The following EYS variants were observed in gnomAD, a reference collection of about 807,000 sequenced individuals.
The protein encoded by EYS is EGF-like photoreceptor maintenance factor.
EYS carries 250 observed loss-of-function variants against 282.1 expected under a neutral mutation model. That is an observed-to-expected ratio of 0.89 (90% CI 0.80 to 0.98). The LOEUF (loss-of-function observed/expected upper bound fraction) is 0.98, where lower values mean the gene tolerates loss of function less well. Ranked by LOEUF, EYS falls within the 50% of genes least tolerant of loss-of-function variation. The pLI is 0.00. For synonymous variants in EYS, 1,355 were observed against 1,282.9 expected (o/e 1.06, Z -1.20); for missense variants, 4,016 against 3,709.0 (o/e 1.08, Z -2.15).
intron 14 of EYS, among the ~76,000 whole-genome samples, chr6:64,991,561 A>G (rs192481479): frequency 5.3e-4 from 81 of 151,762 alleles, no homozygotes; most frequent in African/African-American, 1.5e-3. Context: ...GAGAAGCTAT[A>G]ATTTCATGTA....
At chr6:64,710,906 C>T (rs1256369539) in intron 22 of EYS, among the ~76,000 whole-genome samples, 4 of 152,208 alleles carry the variant, frequency 2.6e-5, no homozygotes, top group Non-Finnish European at 5.9e-5. Context: ...GCCTGGTCTT[C>T]ACTTTATGAA....
At chr6:63,762,140 G>C (rs1769658600) in intron 41 of EYS, among the ~76,000 whole-genome samples, 1 of 151,996 alleles carries the variant, frequency 6.6e-6, no homozygotes, top group African/African-American at 2.4e-5. Flanking sequence ...CAGAGATGAA[G>C]TCTTGATCTG....
chr6:65,667,955 T>C (rs1768257056), intron 1 of EYS, among the ~76,000 whole-genome samples: 1 of 151,878 alleles, frequency 6.6e-6, no homozygotes, highest in Admixed American at 6.6e-5. Flanking sequence ...GGTTGATATG[T>C]ATTGTACAAC....
chr6:64,857,905 T>A (rs1766115351), intron 19 of EYS, among the ~76,000 whole-genome samples: 1 of 152,196 alleles, frequency 6.6e-6, no homozygotes, highest in Non-Finnish European at 1.5e-5. Context: ...GCATGTCTTC[T>A]TTTGAAAAAT....
chr6:65,266,403 T>C (rs1767753786), intron 12 of EYS, among the ~76,000 whole-genome samples: 1 of 151,892 alleles, frequency 6.6e-6, no homozygotes, highest in African/African-American at 2.4e-5. Flanking sequence ...CTCCATATAC[T>C]TTTTTCACCA....
At chr6:64,437,911 T>G (rs868621702) in intron 27 of EYS, among the ~76,000 whole-genome samples, 1 of 151,618 alleles carries the variant, frequency 6.6e-6, no homozygotes, top group African/African-American at 2.4e-5. Context: ...ATTCACAACA[T>G]GTACACTTAA....
At chr6:65,268,662 T>C (rs1220426425) in intron 12 of EYS, among the ~76,000 whole-genome samples, 1 of 152,084 alleles carries the variant, frequency 6.6e-6, no homozygotes, top group Non-Finnish European at 1.5e-5. Flanking sequence ...TTAGCAACTA[T>C]ATCGAAATTG....
intron 13 of EYS, among the ~76,000 whole-genome samples, chr6:65,004,933 C>T (rs1194854372): frequency 6.8e-6 from 1 of 148,056 alleles, no homozygotes; most frequent in Non-Finnish European, 1.5e-5. Context: ...CTTCATACTT[C>T]CCACTTCTTG....
intron 26 of EYS, among the ~76,000 whole-genome samples, chr6:64,540,960 G>A (rs2149798995): frequency 6.6e-6 from 1 of 152,290 alleles, no homozygotes; most frequent in East Asian, 1.9e-4. Context: ...TCCCAGAGCT[G>A]CACTGACCTT....
chr6:64,323,197 G>T (rs1459496490), intron 29 of EYS, among the ~76,000 whole-genome samples: 1 of 151,398 alleles, frequency 6.6e-6, no homozygotes, highest in Non-Finnish European at 1.5e-5. Flanking sequence ...TTAGTAGTTT[G>T]TCTCTATTAT....
intron 29 of EYS, among the ~76,000 whole-genome samples, chr6:64,346,560 G>A (rs1014943287): frequency 1.3e-5 from 2 of 151,700 alleles, no homozygotes; most frequent in East Asian, 2.0e-4. Flanking sequence ...TGTGGGGTGG[G>A]GGGAGTGGGG....
chr6:64,588,822 A>C (rs1213386269), intron 26 of EYS, among the ~76,000 whole-genome samples: 1 of 151,890 alleles, frequency 6.6e-6, no homozygotes, highest in African/African-American at 2.4e-5. Flanking sequence ...ATGATTTATT[A>C]TAATGACTAA....
intron 30 of EYS, among the ~76,000 whole-genome samples, chr6:64,304,366 ATAAT>A (rs1431260192): frequency 6.6e-6 from 1 of 152,226 alleles, no homozygotes; most frequent in Non-Finnish European, 1.5e-5. Context: ...GCCACTCTCA[ATAAT>A]TAATAGAGCA....
intron 12 of EYS, among the ~76,000 whole-genome samples, chr6:65,209,767 G>C (rs1766127380): frequency 6.6e-6 from 1 of 151,910 alleles, no homozygotes; most frequent in African/African-American, 2.4e-5. Context: ...ACTATGGTCA[G>C]GGATCACCAA....
chr6:64,488,267 A>G (rs9362900), intron 26 of EYS, among the ~76,000 whole-genome samples: 38,821 of 150,854 alleles, frequency 0.26, 5,497 homozygotes, highest in East Asian at 0.35. Flanking sequence ...AAGTCAAGCA[A>G]ATATAATAGC....
intron 30 of EYS, among the ~76,000 whole-genome samples, chr6:64,297,703 T>C (rs570935094): frequency 4.6e-5 from 7 of 151,922 alleles, no homozygotes; most frequent in African/African-American, 1.7e-4. Flanking sequence ...TAGAGCTGGG[T>C]GTGATGGCTC....
intron 30 of EYS, among the ~76,000 whole-genome samples, chr6:64,260,291 G>A (rs982455428): frequency 6.6e-6 from 1 of 151,994 alleles, no homozygotes; most frequent in Admixed American, 6.6e-5. Context: ...ATACTAGTCA[G>A]GACTGCTTAT....
chr6:63,956,023 C>T (rs1267774121), intron 35 of EYS, among the ~76,000 whole-genome samples: 3 of 152,190 alleles, frequency 2.0e-5, no homozygotes, highest in African/African-American at 7.2e-5. Flanking sequence ...TCTAGGTTCC[C>T]ACACCACCCC....
chr6:65,202,110 T>TA lies in EYS; in HGVS notation c.2023+93752dup, dbSNP rs111226378. ...CTGGGTGACAGAGCGAGACTCCATC[T>TA]AAAAAAAAAAAATGTATTTTACAAC... On this transcript the variant is annotated intron_variant, in intron 12 of 42. Coordinates refer to ENST00000503581, the MANE Select transcript of EYS (RefSeq NM_001142800.2). Among the ~76,000 whole-genome samples the TA allele has an allele frequency of 3.1e-3, 446 of 143,954 alleles. 6 individuals are homozygous for TA. Among genetic ancestry groups the TA allele is most frequent in the Middle Eastern group, 0.011 (3 of 278 alleles). 94.4% of individuals were successfully genotyped at this position (143,954 alleles called of 152,430 possible).
Sources: allele counts gnomAD v4.1 joint callset (sites outside exome capture counted in the v4.1 genomes callset), GRCh38; gene constraint gnomAD v4.1.1; transcripts MANE v1.5; gene names NCBI Gene and HGNC (gene_info 2026-07-23, HGNC 2026-07-21).